The following AGBL4 variants were observed in gnomAD, a reference collection of about 807,000 sequenced individuals.
The protein encoded by AGBL4 is AGBL carboxypeptidase 4, also known as cytosolic carboxypeptidase 6.
AGBL4 carries 58 observed loss-of-function variants against 66.4 expected under a neutral mutation model. The observed-to-expected ratio is 0.87, with a 90% confidence interval of 0.71 to 1.09. The LOEUF (loss-of-function observed/expected upper bound fraction) is 1.09. AGBL4 is among the 50% of genes least tolerant of loss of function. The pLI is 0.00. For synonymous variants in AGBL4, 234 were observed against 222.9 expected (o/e 1.05, Z -0.44); for missense variants, 579 against 631.0 (o/e 0.92, Z 0.88).
At chr1:49,790,151 G>T (rs1644558747) in intron 2 of AGBL4, among the ~76,000 whole-genome samples, 1 of 152,064 alleles carries the variant, frequency 6.6e-6, no homozygotes, top group South Asian at 2.1e-4. Context: ...GGCCAAGGCG[G>T]GTGGATCACA....
intron 3 of AGBL4, among the ~76,000 whole-genome samples, chr1:49,338,806 G>A (rs760975990): frequency 6.6e-6 from 1 of 152,162 alleles, no homozygotes; most frequent in Non-Finnish European, 1.5e-5. Flanking sequence ...GGGTGGTGGA[G>A]GAAGCCTTTA....
intron 1 of AGBL4, among the ~76,000 whole-genome samples, chr1:49,864,399 C>T (rs1174037368): frequency 6.6e-6 from 1 of 152,126 alleles, no homozygotes. Context: ...TGAAAGATGG[C>T]CGACTAGAAA....
intron 3 of AGBL4, among the ~76,000 whole-genome samples, chr1:49,683,137 TA>T (rs959428379): frequency 1.3e-4 from 19 of 151,990 alleles, no homozygotes; most frequent in Middle Eastern, 3.4e-3. Context: ...CATTTTCAAT[TA>T]AAAAAAACAT....
chr1:48,867,606 T>TTA (rs1013795005), intron 5 of AGBL4, among the ~76,000 whole-genome samples: 1 of 152,204 alleles, frequency 6.6e-6, no homozygotes, highest in African/African-American at 2.4e-5. Flanking sequence ...TTCCCTTTGC[T>TTA]TATACTGGCT....
chr1:49,913,026 T>C (rs1651011880), intron 1 of AGBL4, among the ~76,000 whole-genome samples: 1 of 152,230 alleles, frequency 6.6e-6, no homozygotes, highest in African/African-American at 2.4e-5. Context: ...AAAGGGGACA[T>C]TCAAACCATA....
At chr1:49,374,645 A>C (rs1442244612) in intron 3 of AGBL4, among the ~76,000 whole-genome samples, 1 of 151,850 alleles carries the variant, frequency 6.6e-6, no homozygotes, top group Non-Finnish European at 1.5e-5. Context: ...ATCATCCTTG[A>C]CCCTTCTTTT....
chr1:48,631,788 G>A (rs1224367192), intron 9 of AGBL4, among the ~76,000 whole-genome samples: 1 of 152,120 alleles, frequency 6.6e-6, no homozygotes, highest in East Asian at 1.9e-4. Context: ...GATACTCCAG[G>A]ACAGTAGGTA....
chr1:49,350,791 A>G (rs963750596), intron 3 of AGBL4, among the ~76,000 whole-genome samples: 1 of 150,192 alleles, frequency 6.7e-6, no homozygotes, highest in Non-Finnish European at 1.5e-5. Context: ...AGAGTCCATT[A>G]TATCATTCTT....
At chr1:49,889,768 G>T (rs1648450213) in intron 1 of AGBL4, among the ~76,000 whole-genome samples, 1 of 151,644 alleles carries the variant, frequency 6.6e-6, no homozygotes, top group Non-Finnish European at 1.5e-5. Flanking sequence ...AAAAAAAAAA[G>T]AAATAATCAG....
chr1:48,683,419 C>T (rs11811661), intron 6 of AGBL4, among the ~76,000 whole-genome samples: 2,935 of 152,340 alleles, frequency 0.019, 100 homozygotes, highest in African/African-American at 0.065. Flanking sequence ...ACTGACAGAG[C>T]CCAGCCTTCT....
At chr1:49,622,023 T>G (rs760095733) in intron 3 of AGBL4, among the ~76,000 whole-genome samples, 13 of 152,200 alleles carry the variant, frequency 8.5e-5, no homozygotes, top group Non-Finnish European at 1.9e-4. Flanking sequence ...TCTAGAAGTA[T>G]TGCTAGATCC....
At chr1:49,739,562 A>G (rs1354854971) in intron 2 of AGBL4, among the ~76,000 whole-genome samples, 1 of 152,190 alleles carries the variant, frequency 6.6e-6, no homozygotes, top group African/African-American at 2.4e-5. Context: ...GAACGCCACA[A>G]AGATACTCCT....
intron 12 of AGBL4, among the ~76,000 whole-genome samples, chr1:48,536,054 G>T (rs1643965986): frequency 1.3e-5 from 2 of 152,118 alleles, no homozygotes; most frequent in Admixed American, 1.3e-4. Flanking sequence ...TACCATGCTA[G>T]AGGTATGTAC....
At chr1:49,073,823 C>T (rs1375717454) in intron 4 of AGBL4, among the ~76,000 whole-genome samples, 1 of 152,192 alleles carries the variant, frequency 6.6e-6, no homozygotes, top group Admixed American at 6.5e-5. Flanking sequence ...CAGACAGGAA[C>T]ATTTAAGTCT....
chr1:49,315,675 G>A (rs1220143220), intron 3 of AGBL4, among the ~76,000 whole-genome samples: 1 of 151,852 alleles, frequency 6.6e-6, no homozygotes, highest in Non-Finnish European at 1.5e-5. Flanking sequence ...GTGCCAAATA[G>A]TACATCTACT....
chr1:48,730,759 G>T (rs948818739), intron 6 of AGBL4, among the ~76,000 whole-genome samples: 1 of 152,180 alleles, frequency 6.6e-6, no homozygotes, highest in Non-Finnish European at 1.5e-5. Flanking sequence ...GGGAGCATTT[G>T]AGATTATTGC....
intron 5 of AGBL4, among the ~76,000 whole-genome samples, chr1:48,954,501 T>A (rs1657269652): frequency 6.6e-6 from 1 of 152,208 alleles, no homozygotes; most frequent in Admixed American, 6.5e-5. Context: ...ACAGAGCAAC[T>A]TTTTGTATTC....
At chr1:49,491,110 T>C (rs150563357) in intron 3 of AGBL4, among the ~76,000 whole-genome samples, 154 of 151,952 alleles carry the variant, frequency 1.0e-3, no homozygotes, top group African/African-American at 3.5e-3. Context: ...AATGACCTAA[T>C]GTACAGTTCA....
chr1:49,606,214 C>A (rs1429151913), intron 3 of AGBL4, among the ~76,000 whole-genome samples: 2 of 152,028 alleles, frequency 1.3e-5, no homozygotes, highest in Non-Finnish European at 2.9e-5. Context: ...AATCTAACTC[C>A]AAAATCAATA....
Sources: allele counts gnomAD v4.1 joint callset (sites outside exome capture counted in the v4.1 genomes callset), GRCh38; gene constraint gnomAD v4.1.1; transcripts MANE v1.5; gene names NCBI Gene and HGNC (gene_info 2026-07-23, HGNC 2026-07-21).